The following LRMDA variants were observed in gnomAD, a reference collection of about 807,000 sequenced individuals.
LRMDA encodes leucine-rich melanocyte differentiation-associated protein.
A neutral mutation model predicts 29.8 loss-of-function variants in LRMDA; 18 were observed. That is an observed-to-expected ratio of 0.60 (90% CI 0.42 to 0.90). The LOEUF (loss-of-function observed/expected upper bound fraction) is 0.90. LRMDA is among the 40% of genes least tolerant of loss of function. LRMDA has a pLI of 0.00. For missense variants in LRMDA, 273 were observed against 273.9 expected, an observed-to-expected ratio of 1.00 and a Z score of 0.02; for synonymous variants, 125 against 109.4, an observed-to-expected ratio of 1.14 and a Z score of -0.89.
At chr10:75,765,976 T>C (rs553424506) in intron 2 of LRMDA, among the ~76,000 whole-genome samples, 10 of 152,140 alleles carry the variant, frequency 6.6e-5, no homozygotes, top group Non-Finnish European at 1.5e-4. Context: ...ATCCGTTATG[T>C]GAGGCTGAGA....
At chr10:76,476,158 C>T (rs1842668263) in intron 6 of LRMDA, among the ~76,000 whole-genome samples, 1 of 151,960 alleles carries the variant, frequency 6.6e-6, no homozygotes, top group African/African-American at 2.4e-5. Context: ...GCTAGCAAGA[C>T]TAATAAAGAA....
intron 2 of LRMDA, among the ~76,000 whole-genome samples, chr10:75,886,341 ATGG>A (rs931923731): frequency 6.6e-6 from 1 of 152,220 alleles, no homozygotes; most frequent in African/African-American, 2.4e-5. Context: ...TGAATTGCAC[ATGG>A]TGTATACTGC....
At chr10:75,812,516 C>A (rs979920863) in intron 2 of LRMDA, among the ~76,000 whole-genome samples, 2 of 152,150 alleles carry the variant, frequency 1.3e-5, no homozygotes, top group African/African-American at 4.8e-5. Flanking sequence ...CGCAAACTTT[C>A]TTTGCCAGTT....
rs1328758973 is a variant in LRMDA, at chr10:76,466,641, C to T, written c.602-90568C>T. Among the ~76,000 whole-genome samples the T allele has an allele frequency of 2.0e-5, 3 of 151,948 alleles. No individual in the cohort carries two copies. In the East Asian group the frequency reaches 5.8e-4, roughly 29 times the overall value. ...TAAAACCCCTACTCTACAAAAAGGA[C>T]AAAAGTTATCCGGGCATGGTGGTGT... On this transcript the variant is annotated intron_variant, in intron 6 of 6. Coordinates refer to ENST00000611255, the MANE Select transcript of LRMDA (RefSeq NM_001305581.2).
chr10:76,088,041 A>T (rs1345471999), intron 5 of LRMDA, among the ~76,000 whole-genome samples: 1 of 152,020 alleles, frequency 6.6e-6, no homozygotes, highest in African/African-American at 2.4e-5. Context: ...TATCACTTGA[A>T]CCCGGGAGGT....
At chr10:75,907,836 C>T (rs866464478) in intron 2 of LRMDA, among the ~76,000 whole-genome samples, 1 of 152,140 alleles carries the variant, frequency 6.6e-6, no homozygotes, top group East Asian at 1.9e-4. Flanking sequence ...CTGTAGGCTT[C>T]CCAGGGCTTG....
At chr10:75,555,376 G>T (rs1840201353) in intron 2 of LRMDA, among the ~76,000 whole-genome samples, 1 of 152,148 alleles carries the variant, frequency 6.6e-6, no homozygotes, top group Non-Finnish European at 1.5e-5. Flanking sequence ...GATAACCAGA[G>T]ACTAGAGTTC....
At chr10:75,903,621 AG>A (rs1180203415) in intron 2 of LRMDA, among the ~76,000 whole-genome samples, 1 of 152,252 alleles carries the variant, frequency 6.6e-6, no homozygotes, top group Non-Finnish European at 1.5e-5. Context: ...CTTGAATGAA[AG>A]GAACTAGAAA....
chr10:76,026,228 G>A (rs1425248189), intron 2 of LRMDA, among the ~76,000 whole-genome samples: 1 of 152,242 alleles, frequency 6.6e-6, no homozygotes, highest in Non-Finnish European at 1.5e-5. Flanking sequence ...GCTACACACA[G>A]TGTTTGGATA....
chr10:76,133,564 G>A (rs1850038864), intron 5 of LRMDA, among the ~76,000 whole-genome samples: 1 of 152,136 alleles, frequency 6.6e-6, no homozygotes, highest in Non-Finnish European at 1.5e-5. Flanking sequence ...AGAGCGAGGA[G>A]GGGCCTGCAA....
At position 76,059,660 on chromosome 10, in the gene LRMDA, T is replaced by C. The variant is rs1314120534; in HGVS notation, c.516+877T>C. The stretch of plus-strand genomic sequence containing the variant: ...GCACTGATATCCTAGAAGTCTAGTT[T>C]ATCCTCAGCTATTGACTTATAGCAC... On this transcript the variant is annotated intron_variant, in intron 5 of 6. Coordinates refer to ENST00000611255, the MANE Select transcript of LRMDA (RefSeq NM_001305581.2). Among the ~76,000 whole-genome samples, 3 of 152,238 alleles carry C rather than the reference T, an allele frequency of 2.0e-5. No homozygotes were observed. In the East Asian group the frequency reaches 5.8e-4, roughly 29 times the overall value.
chr10:76,144,104 A>G (rs1013352798), intron 5 of LRMDA, among the ~76,000 whole-genome samples: 13 of 152,140 alleles, frequency 8.5e-5, no homozygotes, highest in Non-Finnish European at 1.5e-5. Flanking sequence ...GCCTTGTAGT[A>G]TAGTTTGAAG....
intron 6 of LRMDA, among the ~76,000 whole-genome samples, chr10:76,404,846 A>C (rs1390605223): frequency 6.6e-6 from 1 of 152,220 alleles, no homozygotes; most frequent in Non-Finnish European, 1.5e-5. Flanking sequence ...GAAAACAAAA[A>C]TCCTTATAAA....
rs967115157 is a variant in LRMDA at position 76,340,575 on chromosome 10, A to G, written c.601+16090A>G. The stretch of plus-strand genomic sequence containing the variant: ...GAGAAACCTATGAAATTTAACAACC[A>G]TTTCTGCTAAAATCTCTCAGTAAAC... On this transcript the variant is annotated intron_variant, in intron 6 of 6. Coordinates refer to ENST00000611255, the MANE Select transcript of LRMDA (RefSeq NM_001305581.2). 4.0e-4 allele frequency among the ~76,000 whole-genome samples: 60 copies of G among 151,632 alleles called. 1 individual carries two copies. Among genetic ancestry groups the G allele is most frequent in the African/African-American group, 1.3e-3 (53 of 41,384 alleles).
At chr10:75,570,609 T>G (rs1206055463) in intron 2 of LRMDA, among the ~76,000 whole-genome samples, 1 of 152,220 alleles carries the variant, frequency 6.6e-6, no homozygotes, top group Admixed American at 6.5e-5. Flanking sequence ...TTATGTTAAC[T>G]GTATTTAACA....
chr10:76,020,977 G>T (rs1305393121), intron 2 of LRMDA, among the ~76,000 whole-genome samples: 1 of 152,058 alleles, frequency 6.6e-6, no homozygotes, highest in Non-Finnish European at 1.5e-5. Flanking sequence ...TAAATTTCTG[G>T]CTCTCTTCTT....
chr10:76,103,932 C>G (rs918412291), intron 5 of LRMDA, among the ~76,000 whole-genome samples: 8 of 151,942 alleles, frequency 5.3e-5, no homozygotes, highest in Non-Finnish European at 1.0e-4. Flanking sequence ...GCCTGGAATC[C>G]CAGCTACTTG....
chr10:75,607,649 A>C (rs1486203113), intron 2 of LRMDA, among the ~76,000 whole-genome samples: 1 of 152,062 alleles, frequency 6.6e-6, no homozygotes, highest in African/African-American at 2.4e-5. Flanking sequence ...TTTCTTTTTA[A>C]GGGAGAATCA....
At chr10:75,549,509 T>TCACAGG (rs1477496175) in intron 2 of LRMDA, among the ~76,000 whole-genome samples, 1 of 152,130 alleles carries the variant, frequency 6.6e-6, no homozygotes, top group African/African-American at 2.4e-5. Flanking sequence ...TCTAGGTTAT[T>TCACAGG]CACAGGCACA....
Sources: allele counts gnomAD v4.1 joint callset (sites outside exome capture counted in the v4.1 genomes callset), GRCh38; gene constraint gnomAD v4.1.1; transcripts MANE v1.5; gene names NCBI Gene and HGNC (gene_info 2026-07-23, HGNC 2026-07-21).